LRSAM1: variants seen among roughly 807,000 people sequenced by gnomAD.
LRSAM1 encodes E3 ubiquitin-protein ligase LRSAM1.
A neutral mutation model predicts 118.1 loss-of-function variants in LRSAM1; 96 were observed. That is an observed-to-expected ratio of 0.81 (90% CI 0.69 to 0.96). LRSAM1 has a LOEUF of 0.96. Ranked by LOEUF, LRSAM1 falls within the 40% of genes least tolerant of loss-of-function variation. LRSAM1 has a pLI of 0.00. For missense variants in LRSAM1, 804 were observed against 915.5 expected (o/e 0.88, Z 1.57); for synonymous variants, 322 against 364.2 (o/e 0.88, Z 1.32).
intron 20 of LRSAM1, among the ~76,000 whole-genome samples, chr9:127,492,214 A>T (rs1036400359): frequency 1.3e-5 from 2 of 152,244 alleles, no homozygotes; most frequent in African/African-American, 4.8e-5. Flanking sequence ...CCATCAGGCC[A>T]TCGGAGAAGG....
intron 21 of LRSAM1, among the ~76,000 whole-genome samples, chr9:127,493,439 G>A (rs183596713): frequency 3.9e-5 from 6 of 152,266 alleles, no homozygotes; most frequent in South Asian, 2.1e-4. Context: ...CCTTTTAAAC[G>A]TGGCATGCTG....
At chr9:127,491,762 G>A (rs374845304) in intron 20 of LRSAM1, among the ~76,000 whole-genome samples, 2 of 152,352 alleles carry the variant, frequency 1.3e-5, no homozygotes, top group Admixed American at 6.5e-5. Context: ...TCCAGCCCGG[G>A]AGTCCTGCGC....
At position 127,463,190 on chromosome 9, in the gene LRSAM1, C is replaced by T. The variant is rs190919350; in HGVS notation, c.528+817C>T. Reference sequence around the variant, plus strand: ...TTCCAGCCTGGACAACAAAGCAAGACTTTGTCTCAAAAAAAAAAAAAAAAA... The same window carrying T: ...TTCCAGCCTGGACAACAAAGCAAGATTTTGTCTCAAAAAAAAAAAAAAAAA... On this transcript the variant is annotated intron_variant, in intron 9 of 25. Transcript: ENST00000300417. Among the ~76,000 whole-genome samples the T allele has an allele frequency of 3.4e-5, 4 of 116,448 alleles. No individual in the cohort carries two copies. The East Asian group carries it at 9.5e-4, about 28-fold the overall frequency. 76.4% of individuals were successfully genotyped at this position (116,448 alleles called of 152,430 possible). A position where few individuals can be genotyped will look rare whatever the true frequency, so the allele number is the denominator to read the frequency against.
At chr9:127,452,643 C>T (rs982826922) in intron 2 of LRSAM1, among the ~76,000 whole-genome samples, 2 of 152,192 alleles carry the variant, frequency 1.3e-5, no homozygotes, top group Non-Finnish European at 2.9e-5. Flanking sequence ...TACATGAAGT[C>T]GCTGGATCCT....
At chr9:127,459,223 T>TTG in intron 7 of LRSAM1, 152 bp downstream of exon 7, 1 of 744,996 alleles carries the variant, frequency 1.3e-6, no homozygotes, top group Non-Finnish European at 2.2e-6. Flanking sequence ...TGGGGTTTTT[T>TTG]TTTTTTTTTT....
intron 10 of LRSAM1, among the ~76,000 whole-genome samples, chr9:127,471,925 A>G (rs1423092023): frequency 6.6e-6 from 1 of 151,240 alleles, no homozygotes; most frequent in Non-Finnish European, 1.5e-5. Flanking sequence ...GGCCTCCCGA[A>G]GCGCTGGCAT....
At chr9:127,497,896 C>T (rs542587550) in intron 24 of LRSAM1, among the ~76,000 whole-genome samples, 2 of 152,362 alleles carry the variant, frequency 1.3e-5, no homozygotes, top group Admixed American at 6.5e-5. Flanking sequence ...GGATCCATCC[C>T]GTGAGGAGGC....
intron 11 of LRSAM1, among the ~76,000 whole-genome samples, chr9:127,475,725 CA>C (rs1702988598): frequency 6.6e-6 from 1 of 151,616 alleles, no homozygotes; most frequent in Admixed American, 6.6e-5. Context: ...CAGTAGGTGT[CA>C]AAAAAGATTT....
At chr9:127,470,283 C>G (rs754297824) in intron 10 of LRSAM1, among the ~76,000 whole-genome samples, 1 of 152,054 alleles carries the variant, frequency 6.6e-6, no homozygotes, top group Non-Finnish European at 1.5e-5. Flanking sequence ...AGGAAACTTA[C>G]AGTCATGGTG....
intron 5 of LRSAM1, among the ~76,000 whole-genome samples, chr9:127,456,607 G>A (rs914208117): frequency 6.7e-6 from 1 of 148,448 alleles, no homozygotes; most frequent in African/African-American, 2.5e-5. Context: ...GCTCATGCCT[G>A]TAATCCCAGC....
At position 127,465,667 on chromosome 9, in the gene LRSAM1, G is replaced by C; in HGVS notation, c.529-2073G>C. Among the ~76,000 whole-genome samples, 1 of 152,180 alleles carries C rather than the reference G, an allele frequency of 6.6e-6. No homozygotes were observed. Among genetic ancestry groups the C allele is most frequent in the Non-Finnish European group, 1.5e-5 (1 of 68,044 alleles). On this transcript the variant is annotated intron_variant, in intron 9 of 25. Coordinates refer to ENST00000300417, the MANE Select transcript of LRSAM1 (RefSeq NM_001005373.4). This position sits in a 1 kb window ranked among gnomAD's most constrained non-coding sequence, Gnocchi z 4.1. ...AGGGCTGGGCTGGCCAGGGCTGGGG[G>C]ACCTGAGCTACCCTTCCCACCCAGC...
intron 18 of LRSAM1, among the ~76,000 whole-genome samples, chr9:127,489,073 G>A (rs1412614212): frequency 6.6e-6 from 1 of 152,186 alleles, no homozygotes; most frequent in East Asian, 1.9e-4. Context: ...CCATTTCTCA[G>A]AGGAGGCATC....
At position 127,496,115 on chromosome 9, in the gene LRSAM1, A is replaced by G. The variant is rs199932024; in HGVS notation, c.1830+20A>G. The G allele has an allele frequency of 6.5e-5, 105 of 1,605,662 alleles. No individual in the cohort carries two copies. Among genetic ancestry groups the G allele is most frequent in the Non-Finnish European group, 8.1e-5 (96 of 1,179,944 alleles). ...GCCAAGGTGGGCAGCAGCCGTCTGC[A>G]TGGAGGGGAGGGGCACGCAAGGCCG... On this transcript the variant is annotated intron_variant, in intron 23 of 25. Coordinates refer to ENST00000300417, the MANE Select transcript of LRSAM1 (RefSeq NM_001005373.4).
intron 16 of LRSAM1, 149 bp downstream of exon 16, chr9:127,483,169 CTG>C: frequency 1.3e-6 from 1 of 745,408 alleles, no homozygotes; most frequent in South Asian, 1.6e-5. Flanking sequence ...AGCACAGGCT[CTG>C]GGGTCAGCCT....
chr9:127,454,534 CTCT>C lies in LRSAM1; in HGVS notation c.13_15del (p.Phe5del), dbSNP rs750997053. 2.5e-6 allele frequency: 4 copies of C among 1,614,124 alleles called. No individual in the cohort carries two copies. In the South Asian group the frequency reaches 4.4e-5, roughly 18 times the overall value. ...GCTCTGGGAAAAGGGAAGGATGCCG[CTCT>C]TCTTCCGGAAGCGGAAACCCAGTGA... On this transcript the variant is annotated inframe_deletion, in exon 3 of 26. Coordinates refer to ENST00000300417, the MANE Select transcript of LRSAM1 (RefSeq NM_001005373.4).
intron 2 of LRSAM1, 80 bp from the exon 3 acceptor site, chr9:127,454,416 C>T: frequency 1.9e-6 from 2 of 1,042,210 alleles, no homozygotes; most frequent in South Asian, 2.7e-5. Flanking sequence ...GCTGCATGCT[C>T]TGTGTTACTG....
intron 18 of LRSAM1, among the ~76,000 whole-genome samples, chr9:127,488,872 T>C (rs1835826660): frequency 1.3e-5 from 2 of 152,106 alleles, no homozygotes; most frequent in African/African-American, 4.8e-5. Context: ...ATTACAGACA[T>C]GAGCCACCGG....
chr9:127,481,377 C>T (rs1835532911), intron 15 of LRSAM1, 150 bp downstream of exon 15: 6 of 776,940 alleles, frequency 7.7e-6, no homozygotes, highest in Admixed American at 7.2e-5. Flanking sequence ...CTCAGCCTCC[C>T]GAGTAGCTGG....
At chr9:127,457,876 C>T (rs774007889) in intron 6 of LRSAM1, among the ~76,000 whole-genome samples, 9 of 152,046 alleles carry the variant, frequency 5.9e-5, no homozygotes, top group Non-Finnish European at 1.2e-4. Flanking sequence ...AGGTGTCAGC[C>T]CAGCAGCACA....
Sources: allele counts gnomAD v4.1 joint callset (sites outside exome capture counted in the v4.1 genomes callset), GRCh38; gene constraint gnomAD v4.1.1; non-coding constraint Gnocchi (gnomAD v3.1); transcripts MANE v1.5; gene names NCBI Gene and HGNC (gene_info 2026-07-23, HGNC 2026-07-21).